PSME3IP1: variants seen among roughly 807,000 people sequenced by gnomAD.
The protein encoded by PSME3IP1 is proteasome activator subunit 3 interacting protein 1, also known as PSME3-interacting protein.
Under a neutral mutation model 34.1 loss-of-function variants are expected in PSME3IP1, and 13 were observed. The observed-to-expected ratio is 0.38, with a 90% CI of 0.25 to 0.61. The LOEUF (loss-of-function observed/expected upper bound fraction) is 0.61, where lower values mean the gene tolerates loss of function less well. Among genes scored for constraint, PSME3IP1 ranks in the 20% least tolerant of loss-of-function variants. The probability of loss-of-function intolerance (pLI) is 0.60; values close to 1 mark genes in which losing one functional copy is unlikely to be tolerated. For synonymous variants in PSME3IP1, 93 were observed against 114.3 expected, an observed-to-expected ratio of 0.81 and a Z score of 1.19; for missense variants, 237 against 301.4, an observed-to-expected ratio of 0.79 and a Z score of 1.58.
chr16:57,164,818 G>A (rs2071663946), intron 5 of PSME3IP1, among the ~76,000 whole-genome samples: 1 of 152,086 alleles, frequency 6.6e-6, no homozygotes, highest in South Asian at 2.1e-4. Flanking sequence ...GATCACCTGA[G>A]GTCAGGTGTT....
chr16:57,178,688 A>G (rs2073421030), intron 1 of PSME3IP1: 1 of 984,710 alleles, frequency 1.0e-6, no homozygotes, highest in Admixed American at 6.1e-5. Flanking sequence ...GAAACAAAGG[A>G]CTAAAAATTA....
chr16:57,168,803 CAAAAAA>C (rs1189721344), intron 4 of PSME3IP1, among the ~76,000 whole-genome samples: 3 of 23,900 alleles, frequency 1.3e-4, no homozygotes, highest in East Asian at 1.7e-3. Flanking sequence ...AACTCTGTCT[CAAAAAA>C]AAAAAAAAAA....
rs554140713 is a variant in PSME3IP1 at position 57,153,985 on chromosome 16, G to T, written c.*305C>A. The T allele has an allele frequency of 1.7e-5, 6 of 351,910 alleles. No individual in the cohort carries two copies. In the East Asian group the frequency reaches 3.3e-4, roughly 20 times the overall value. 21.8% of individuals were successfully genotyped at this position (351,910 alleles called of 1,614,324 possible). A position where few individuals can be genotyped will look rare whatever the true frequency, so the allele number is the denominator to read the frequency against. On this transcript the variant is annotated 3_prime_UTR_variant, in exon 7 of 7. Transcript: ENST00000309137. ...ACCCAAACCCTTTGGCAAGCCAGCC[G>T]GTGCCTATTCTCCTGGGGCATTTTT... is the stretch of plus-strand genomic sequence containing the variant.
intron 1 of PSME3IP1, among the ~76,000 whole-genome samples, chr16:57,183,813 G>A (rs778802079): frequency 3.9e-4 from 59 of 152,168 alleles, no homozygotes; most frequent in Non-Finnish European, 1.6e-4. Flanking sequence ...GTTCAAGCCA[G>A]GAGCCCATCC....
At chr16:57,157,776 A>G (rs959590077) in intron 6 of PSME3IP1, among the ~76,000 whole-genome samples, 13 of 152,124 alleles carry the variant, frequency 8.5e-5, no homozygotes, top group African/African-American at 3.1e-4. Context: ...TATATTACCA[A>G]TTCAGACAGT....
At chr16:57,158,749 T>C (rs1196432306) in intron 6 of PSME3IP1, among the ~76,000 whole-genome samples, 1 of 152,236 alleles carries the variant, frequency 6.6e-6, no homozygotes, top group Admixed American at 6.5e-5. Context: ...AATGCATCAT[T>C]AGACAATTCC....
intron 4 of PSME3IP1, among the ~76,000 whole-genome samples, chr16:57,171,301 T>C (rs1258569246): frequency 1.3e-5 from 2 of 152,158 alleles, no homozygotes; most frequent in African/African-American, 4.8e-5. Flanking sequence ...ACAGTCAACA[T>C]GAGAAAGAGT....
Position 57,154,254 on chromosome 16 carries a change from C to A in PSME3IP1, c.*36G>T. The A allele has an allele frequency of 6.3e-7, 1 of 1,599,508 alleles. No individual in the cohort carries two copies. Among genetic ancestry groups the A allele is most frequent in the Non-Finnish European group, 8.6e-7 (1 of 1,167,652 alleles). On this transcript the variant is annotated 3_prime_UTR_variant, in exon 7 of 7. Coordinates refer to ENST00000309137, the MANE Select transcript of PSME3IP1 (RefSeq NM_024946.4). The surrounding 1 kb of genome is among the most constrained non-coding windows in gnomAD (Gnocchi z 4.0). ...AGGCAGCATGAACGGTCCGATCTAC[C>A]CTTGGGGAGGAGCTCCCTGTGTAGG... is the stretch of plus-strand genomic sequence containing the variant.
At chr16:57,167,036 T>A in intron 5 of PSME3IP1, 57 bp downstream of exon 5, 1 of 1,597,172 alleles carries the variant, frequency 6.3e-7, no homozygotes, top group South Asian at 1.1e-5. Context: ...CCATTACAAG[T>A]GGTGTTTCAG....
chr16:57,167,921 T>C (rs1211551114), intron 4 of PSME3IP1, among the ~76,000 whole-genome samples: 1 of 152,266 alleles, frequency 6.6e-6, no homozygotes, highest in Non-Finnish European at 1.5e-5. Flanking sequence ...TTTAAAAGCA[T>C]GACCAGTTCG....
At chr16:57,164,895 G>C (rs546659845) in intron 5 of PSME3IP1, among the ~76,000 whole-genome samples, 1 of 152,228 alleles carries the variant, frequency 6.6e-6, no homozygotes, top group East Asian at 1.9e-4. Context: ...GCCAGGCAAG[G>C]TGGTGCATGC....
intron 6 of PSME3IP1, among the ~76,000 whole-genome samples, chr16:57,160,237 C>A (rs1466325039): frequency 6.6e-6 from 1 of 151,378 alleles, no homozygotes; most frequent in East Asian, 1.9e-4. Flanking sequence ...TTGCAGTGAG[C>A]CGAGATTGCG....
Position 57,172,248 on chromosome 16 carries a change from T to C in PSME3IP1, c.348+3A>G. 6.2e-7 allele frequency: 1 copy of C among 1,612,456 alleles called. No individual in the cohort carries two copies. Among genetic ancestry groups the C allele is most frequent in the East Asian group, 2.2e-5 (1 of 44,844 alleles). ...CAGGTTTTCCTCCAAGTACAAAGGA[T>C]ATTCTGTATTCCTTCAGTTCTTTCA... On this transcript the variant is annotated splice_donor_region_variant and intron_variant, in intron 4 of 6. Transcript: ENST00000309137.
At chr16:57,167,342 C>A (rs2072011886) in intron 4 of PSME3IP1, 116 bp from the exon 5 acceptor site, 1 of 1,153,630 alleles carries the variant, frequency 8.7e-7, no homozygotes, top group Non-Finnish European at 1.3e-6. Context: ...AATGCCCCAC[C>A]CTTCTTTATT....
chr16:57,172,673 T>C (rs1351046270), intron 3 of PSME3IP1, 103 bp downstream of exon 3: 11 of 951,208 alleles, frequency 1.2e-5, no homozygotes, highest in Non-Finnish European at 1.7e-5. Flanking sequence ...GACTCGAAAA[T>C]CAAGACAATT....
intron 1 of PSME3IP1, among the ~76,000 whole-genome samples, chr16:57,184,618 C>T (rs187851278): frequency 2.6e-5 from 4 of 152,190 alleles, no homozygotes; most frequent in Non-Finnish European, 5.9e-5. Context: ...TATGACTGAC[C>T]CTGTACGTAC....
At chr16:57,168,960 G>GA (rs539761780) in intron 4 of PSME3IP1, among the ~76,000 whole-genome samples, 142 of 149,336 alleles carry the variant, frequency 9.5e-4, no homozygotes, top group Non-Finnish European at 1.7e-3. Flanking sequence ...AACAAAAATG[G>GA]AAAAAAAACA....
Position 57,154,575 on chromosome 16 carries a change from T to G in PSME3IP1, c.548-68A>C, listed in dbSNP as rs2070300478. ...CAAAGTTGGGGACTGACTTACCATG[T>G]GCCAGGCACTGTACCAAGGGATTTT... On this transcript the variant is annotated intron_variant, in intron 6 of 6. Transcript: ENST00000309137. This position sits in a 1 kb window ranked among gnomAD's most constrained non-coding sequence, Gnocchi z 4.0. 3.0e-6 allele frequency: 4 copies of G among 1,339,888 alleles called. No homozygotes were observed. The African/African-American group carries it at 4.4e-5, about 15-fold the overall frequency. The allele number at this position is 1,339,888 out of a possible 1,614,324, so 83.0% of individuals were successfully genotyped here.
chr16:57,163,255 T>C (rs866575264), intron 6 of PSME3IP1, among the ~76,000 whole-genome samples: 76 of 152,110 alleles, frequency 5.0e-4, no homozygotes, highest in Non-Finnish European at 9.4e-4. Context: ...CCTTTTTTTT[T>C]CCCCCAGACT....
Sources: allele counts gnomAD v4.1 joint callset (sites outside exome capture counted in the v4.1 genomes callset), GRCh38; gene constraint gnomAD v4.1.1; non-coding constraint Gnocchi (gnomAD v3.1); transcripts MANE v1.5; gene names NCBI Gene and HGNC (gene_info 2026-07-23, HGNC 2026-07-21).